Variants in COL21A1 observed in about 807,000 individuals in gnomAD.
COL21A1 encodes the protein collagen alpha-1(XXI) chain.
A neutral mutation model predicts 137.9 loss-of-function variants in COL21A1; 149 were observed. That is an observed-to-expected ratio of 1.08 (90% CI 0.95 to 1.24). COL21A1 has a LOEUF of 1.24. Ranked by LOEUF, COL21A1 falls within the 50% of genes most tolerant of loss-of-function variation. The pLI, the probability that COL21A1 is intolerant of heterozygous loss-of-function variation, is 0.00. For missense variants in COL21A1, 1,167 were observed against 1,158.4 expected (o/e 1.01, Z -0.11); for synonymous variants, 456 against 391.5 (o/e 1.16, Z -1.95).
At chr6:56,255,638 C>T (rs1782950812) in intron 1 of COL21A1, among the ~76,000 whole-genome samples, 1 of 152,220 alleles carries the variant, frequency 6.6e-6, no homozygotes, top group African/African-American at 2.4e-5. Context: ...AATGCCTTGG[C>T]TCTCTGTGTG....
chr6:56,200,417 T>C (rs1258059239), intron 1 of COL21A1, among the ~76,000 whole-genome samples: 1 of 151,298 alleles, frequency 6.6e-6, no homozygotes, highest in African/African-American at 2.4e-5. Flanking sequence ...AACTCATCAT[T>C]TAACATTAGT....
intron 10 of COL21A1, among the ~76,000 whole-genome samples, chr6:56,145,262 G>A (rs1441788331): frequency 1.3e-5 from 2 of 152,064 alleles, no homozygotes; most frequent in East Asian, 3.9e-4. Flanking sequence ...AATAATAAGT[G>A]CTTCTCACAA....
intron 17 of COL21A1, among the ~76,000 whole-genome samples, chr6:56,078,871 G>A (rs1305129195): frequency 6.6e-6 from 1 of 150,494 alleles, no homozygotes; most frequent in East Asian, 1.9e-4. Flanking sequence ...ATAAACGTAA[G>A]TAGAGAATAA....
intron 9 of COL21A1, among the ~76,000 whole-genome samples, chr6:56,162,376 A>T (rs1276211579): frequency 6.6e-6 from 1 of 152,218 alleles, no homozygotes; most frequent in Admixed American, 6.5e-5. Context: ...ATAGGGCTAG[A>T]TTATGACTAA....
intron 1 of COL21A1, among the ~76,000 whole-genome samples, chr6:56,276,368 T>A (rs954605354): frequency 1.2e-4 from 18 of 152,278 alleles, no homozygotes; most frequent in African/African-American, 4.3e-4. Context: ...CATGTACCCC[T>A]GCATCTCAAA....
intron 1 of COL21A1, among the ~76,000 whole-genome samples, chr6:56,327,954 G>A (rs1765133173): frequency 6.6e-6 from 1 of 152,040 alleles, no homozygotes; most frequent in African/African-American, 2.4e-5. Context: ...TTTGGAATCA[G>A]GCTAACATAA....
chr6:56,390,549 G>A (rs114453924), intron 1 of COL21A1, among the ~76,000 whole-genome samples: 2,925 of 144,740 alleles, frequency 0.02, 89 homozygotes, highest in African/African-American at 0.068. Context: ...CCTACTATAT[G>A]CTGCCTACAA....
Position 56,134,384 on chromosome 6 carries a change from G to A in COL21A1, c.1542+7401C>T, listed in dbSNP as rs567867064. ...GAATGGGAGTATTTATCCAATGCCT[G>A]TACCCCTATTTTATCTAGGAAATAA... is the stretch of plus-strand genomic sequence containing the variant. On this transcript the variant is annotated intron_variant, in intron 12 of 29. Transcript: ENST00000244728. Among the ~76,000 whole-genome samples, 5 of 152,244 alleles carry A rather than the reference G, an allele frequency of 3.3e-5. No homozygotes were observed. The East Asian group carries it at 9.7e-4, about 29-fold the overall frequency.
intron 1 of COL21A1, among the ~76,000 whole-genome samples, chr6:56,384,825 T>C (rs972737477): frequency 1.3e-5 from 2 of 152,186 alleles, no homozygotes; most frequent in Non-Finnish European, 2.9e-5. Flanking sequence ...TCAACAAACT[T>C]TTATAAGCAC....
At chr6:56,250,031 C>T (rs974976511), upstream of COL21A1, among the ~76,000 whole-genome samples, 2 of 152,182 alleles carry the variant, frequency 1.3e-5, no homozygotes, top group South Asian at 2.1e-4. Flanking sequence ...TGTCATGGCT[C>T]TCTAGAGAAC....
intron 17 of COL21A1, among the ~76,000 whole-genome samples, chr6:56,098,658 T>C (rs867390759): frequency 4.8e-5 from 1 of 20,760 alleles, no homozygotes. Context: ...AATATATAAA[T>C]ATATATAAAT....
At chr6:56,111,314 A>G (rs965120407) in intron 16 of COL21A1, among the ~76,000 whole-genome samples, 2 of 152,198 alleles carry the variant, frequency 1.3e-5, no homozygotes, top group Admixed American at 6.5e-5. Context: ...AGTGGGAAAT[A>G]GGAAGGCATG....
chr6:56,267,343 C>T (rs1375260484), intron 1 of COL21A1, among the ~76,000 whole-genome samples: 3 of 152,160 alleles, frequency 2.0e-5, no homozygotes, highest in Non-Finnish European at 4.4e-5. Context: ...CTGCATAATC[C>T]TCCATGCTTT....
chr6:56,229,371 A>C (rs747125047), intron 1 of COL21A1, among the ~76,000 whole-genome samples: 5 of 152,006 alleles, frequency 3.3e-5, no homozygotes, highest in Non-Finnish European at 7.4e-5. Context: ...CTGTCTCAAA[A>C]ACAACAGAAT....
At chr6:56,190,861 C>T (rs147639029) in intron 1 of COL21A1, among the ~76,000 whole-genome samples, 9 of 152,246 alleles carry the variant, frequency 5.9e-5, no homozygotes, top group Non-Finnish European at 1.2e-4. Context: ...TCAATAGGTG[C>T]AGAAAAGGCC....
Position 56,124,254 on chromosome 6 carries a change from G to A in COL21A1, c.1689C>T (p.Gly563=). The A allele has an allele frequency of 1.2e-6, 2 of 1,603,180 alleles. No homozygotes were observed. The highest frequency in any genetic ancestry group is 1.7e-6 in the Non-Finnish European group (2 of 1,174,502). The change falls in exon 15 of 30, where the codon GGC becomes GGT. Residue 563 remains glycine (G), a synonymous_variant. Coordinates refer to ENST00000244728, the MANE Select transcript of COL21A1 (RefSeq NM_030820.4). ...TCAAACTCACAGCAGGTCCAGGGAG[G>A]CCAGGGAAGCCAGCATTCCCCTTTT... ...KGEKGNAGFP[G]LPGPAGEPGR...
chr6:56,258,156 G>A (rs1398269965), intron 1 of COL21A1, among the ~76,000 whole-genome samples: 1 of 152,000 alleles, frequency 6.6e-6, no homozygotes, highest in East Asian at 1.9e-4. Context: ...AAACTTTGGA[G>A]TTTCTGAAAT....
Position 56,069,098 on chromosome 6 carries a change from C to A in COL21A1, c.2039G>T (p.Gly680Val), listed in dbSNP as rs756413455. The A allele has an allele frequency of 6.3e-7, 1 of 1,599,758 alleles. No homozygotes were observed. ...CATGTATCCTGGTTCTCCTGGGGAA[C>A]CCGTTGCTCCTGGTTCTCCCTATGT... Reference protein sequence around the residue: ...SGLKGEPGATGSPGEPGYMGL... With the variant: ...SGLKGEPGATVSPGEPGYMGL... Residue 680 changes from glycine (G) to valine (V), a missense_variant, in exon 22 of 30, where the codon GGT (glycine) becomes GTT (valine). Coordinates refer to ENST00000244728, the MANE Select transcript of COL21A1 (RefSeq NM_030820.4).
chr6:56,139,275 C>T (rs1217090046), intron 12 of COL21A1, among the ~76,000 whole-genome samples: 1 of 152,144 alleles, frequency 6.6e-6, no homozygotes, highest in East Asian at 1.9e-4. Context: ...TTTAGGCCAA[C>T]CACATGCATG....
Sources: gnomAD v4.1 joint callset for allele counts (sites outside exome capture counted in the v4.1 genomes callset) on GRCh38, gnomAD v4.1.1 for gene constraint, MANE v1.5 for transcripts, NCBI Gene and HGNC (gene_info 2026-07-23, HGNC 2026-07-21) for gene names.